The following SLIT2 variants were observed in gnomAD, a reference collection of about 807,000 sequenced individuals.
The protein encoded by SLIT2 is slit guidance ligand 2.
A neutral mutation model predicts 185.7 loss-of-function variants in SLIT2; 41 were observed. The observed-to-expected ratio is 0.22, with a 90% CI of 0.17 to 0.29. The LOEUF is 0.29. SLIT2 is among the 10% of genes least tolerant of loss of function. The pLI, the probability that SLIT2 is intolerant of heterozygous loss-of-function variation, is 1.00. For synonymous variants in SLIT2, 693 were observed against 680.2 expected (o/e 1.02, Z -0.29); for missense variants, 1,571 against 1,909.0 (o/e 0.82, Z 3.30).
intron 4 of SLIT2, among the ~76,000 whole-genome samples, chr4:20,368,649 A>T (rs1267589651): frequency 6.6e-6 from 1 of 152,138 alleles, no homozygotes; most frequent in African/African-American, 2.4e-5. Flanking sequence ...AGTAATTCTT[A>T]TAATTTGGAC....
intron 26 of SLIT2, among the ~76,000 whole-genome samples, chr4:20,562,613 G>C (rs990765222): frequency 6.6e-6 from 1 of 151,662 alleles, no homozygotes; most frequent in Non-Finnish European, 1.5e-5. Context: ...CTGAAAATCT[G>C]GCCTAGTCCC....
intron 4 of SLIT2, among the ~76,000 whole-genome samples, chr4:20,459,416 GGAGT>G (rs1371223341): frequency 1.3e-5 from 2 of 152,126 alleles, no homozygotes; most frequent in African/African-American, 4.8e-5. Flanking sequence ...TGAGAAAATA[GGAGT>G]GAGGGTGAGA....
chr4:20,564,783 A>AT (rs3836702), intron 26 of SLIT2, among the ~76,000 whole-genome samples: 133 of 148,384 alleles, frequency 9.0e-4, no homozygotes, highest in South Asian at 2.6e-3. Flanking sequence ...TGTTATCTTG[A>AT]TTTTTTTTTT....
At chr4:20,353,185 G>A (rs1326621444) in intron 4 of SLIT2, among the ~76,000 whole-genome samples, 3 of 152,014 alleles carry the variant, frequency 2.0e-5, no homozygotes, top group African/African-American at 4.8e-5. Context: ...TAGCAGATGT[G>A]GAATGACATA....
At chr4:20,425,368 AAAAT>A (rs1447937536) in intron 4 of SLIT2, among the ~76,000 whole-genome samples, 1 of 152,162 alleles carries the variant, frequency 6.6e-6, no homozygotes, top group African/African-American at 2.4e-5. Context: ...CACTATCAAA[AAAAT>A]AAATAAATAA....
rs954033987 is a variant in SLIT2 at position 20,620,476 on chromosome 4, A to G, written c.*1467A>G. The G allele has an allele frequency of 1.6e-5, 7 of 447,464 alleles. No individual in the cohort carries two copies. Among genetic ancestry groups the G allele is most frequent in the African/African-American group, 6.1e-5 (3 of 49,548 alleles). The allele number at this position is 447,464 out of a possible 1,614,324, so 27.7% of individuals were successfully genotyped here. A position where few individuals can be genotyped will look rare whatever the true frequency, so the allele number is the denominator to read the frequency against. On this transcript the variant is annotated 3_prime_UTR_variant, in exon 37 of 37. Transcript: ENST00000504154. ...TACAAAGAAAATTAGATGTACATGTATAATTCAGTGTGCTTTGTCTTTCTC... is the reference window on the plus strand; with the variant it reads ...TACAAAGAAAATTAGATGTACATGTGTAATTCAGTGTGCTTTGTCTTTCTC...
intron 4 of SLIT2, among the ~76,000 whole-genome samples, chr4:20,288,241 G>A (rs193194949): frequency 6.6e-6 from 1 of 152,288 alleles, no homozygotes; most frequent in Admixed American, 6.5e-5. Flanking sequence ...AAACAGGGTG[G>A]GATTCCGATC....
At position 20,270,397 on chromosome 4, in the gene SLIT2, A is replaced by G. The variant is rs11726773; in HGVS notation, c.395+1516A>G. Among the ~76,000 whole-genome samples the G allele has an allele frequency of 2.0e-5, 3 of 151,946 alleles. No individual in the cohort carries two copies. In the South Asian group the frequency reaches 6.2e-4, roughly 31 times the overall value. ...TCTCCTTGACATTTTGCCATCTTTG[A>G]CAATATCTCATAGCAGACCAAGAGA... On this transcript the variant is annotated intron_variant, in intron 4 of 36. Coordinates refer to ENST00000504154, the MANE Select transcript of SLIT2 (RefSeq NM_004787.4).
intron 3 of SLIT2, among the ~76,000 whole-genome samples, chr4:20,262,525 A>G (rs1403226123): frequency 6.6e-6 from 1 of 151,898 alleles, no homozygotes; most frequent in Non-Finnish European, 1.5e-5. Context: ...ATGACAGTCT[A>G]ACGGTGCTAA....
rs1729977399 is a variant in SLIT2 at position 20,620,192 on chromosome 4, T to G, written c.*1183T>G. ...CACTAGAAAGTAGACCTTTTGCAAA[T>G]TAATATGTCCTTGACCTTTTTTGCC... On this transcript the variant is annotated 3_prime_UTR_variant, in exon 37 of 37. Transcript: ENST00000504154. 1.7e-5 allele frequency: 5 copies of G among 301,438 alleles called. No homozygotes were observed. Among genetic ancestry groups the G allele is most frequent in the South Asian group, 1.5e-4 (5 of 33,624 alleles). 18.7% of individuals were successfully genotyped at this position (301,438 alleles called of 1,614,324 possible).
At chr4:20,524,377 C>T (rs1172414535) in intron 14 of SLIT2, among the ~76,000 whole-genome samples, 200 bp downstream of exon 14, 1 of 152,200 alleles carries the variant, frequency 6.6e-6, no homozygotes, top group Non-Finnish European at 1.5e-5. Context: ...ACACCATATA[C>T]AGCAGAAGAA....
intron 20 of SLIT2, among the ~76,000 whole-genome samples, chr4:20,542,254 G>A (rs1361983387): frequency 6.6e-6 from 1 of 151,936 alleles, no homozygotes; most frequent in African/African-American, 2.4e-5. Context: ...CATTGTATTG[G>A]TAATTGTAAT....
At chr4:20,396,993 C>T (rs1244912527) in intron 4 of SLIT2, among the ~76,000 whole-genome samples, 1 of 151,002 alleles carries the variant, frequency 6.6e-6, no homozygotes, top group Admixed American at 6.6e-5. Flanking sequence ...TTAATTTACG[C>T]ATATATTTCC....
intron 30 of SLIT2, among the ~76,000 whole-genome samples, chr4:20,594,073 C>T (rs752209721): frequency 3.4e-5 from 5 of 147,758 alleles, no homozygotes; most frequent in Non-Finnish European, 5.9e-5. Flanking sequence ...AGCCTGAATT[C>T]TGCAGAGCTA....
intron 12 of SLIT2, among the ~76,000 whole-genome samples, chr4:20,522,736 A>G (rs1213165895): frequency 6.6e-6 from 1 of 152,148 alleles, no homozygotes; most frequent in Non-Finnish European, 1.5e-5. Context: ...ACAGGTATTT[A>G]TAATATAAGA....
At chr4:20,480,578 C>T (rs533098457) in intron 5 of SLIT2, 138 bp from the exon 6 acceptor site, 42 of 598,592 alleles carry the variant, frequency 7.0e-5, no homozygotes, top group Admixed American at 6.2e-4. Flanking sequence ...TTATGACATT[C>T]GTAAGCAGAT....
At chr4:20,300,676 G>T (rs145429668) in intron 4 of SLIT2, among the ~76,000 whole-genome samples, 1 of 151,960 alleles carries the variant, frequency 6.6e-6, no homozygotes, top group Non-Finnish European at 1.5e-5. Flanking sequence ...ACATGATAAT[G>T]GACATATATT....
At chr4:20,324,720 A>G (rs912648783) in intron 4 of SLIT2, among the ~76,000 whole-genome samples, 1 of 152,162 alleles carries the variant, frequency 6.6e-6, no homozygotes, top group African/African-American at 2.4e-5. Flanking sequence ...ATATACTTCA[A>G]AACATCATGT....
chr4:20,618,089 C>T (rs1729821799), intron 36 of SLIT2, among the ~76,000 whole-genome samples: 1 of 152,140 alleles, frequency 6.6e-6, no homozygotes. Flanking sequence ...TACAAAATGA[C>T]CTTTGGCCTT....
Sources: gnomAD v4.1 joint callset for allele counts (sites outside exome capture counted in the v4.1 genomes callset) on GRCh38, gnomAD v4.1.1 for gene constraint, MANE v1.5 for transcripts, NCBI Gene and HGNC (gene_info 2026-07-23, HGNC 2026-07-21) for gene names.